EPHB1: variants seen among roughly 807,000 people sequenced by gnomAD.
The protein encoded by EPHB1 is EPH receptor B1.
EPHB1 carries 30 observed loss-of-function variants against 94.4 expected under a neutral mutation model. The ratio of observed to expected loss-of-function variants is 0.32; its 90% CI spans 0.24 to 0.43. The LOEUF (loss-of-function observed/expected upper bound fraction) is 0.43. Among genes scored for constraint, EPHB1 ranks in the 20% least tolerant of loss-of-function variants. The pLI is 1.00. For synonymous variants in EPHB1, 522 were observed against 489.1 expected, an observed-to-expected ratio of 1.07 and a Z score of -0.89; for missense variants, 1,055 against 1,308.3, an observed-to-expected ratio of 0.81 and a Z score of 2.99.
intron 13 of EPHB1, among the ~76,000 whole-genome samples, chr3:135,243,923 C>T (rs1426564312): frequency 2.6e-5 from 4 of 152,138 alleles, no homozygotes; most frequent in African/African-American, 4.8e-5. Flanking sequence ...TGACTTAACC[C>T]ACTCTGCCCT....
intron 1 of EPHB1, among the ~76,000 whole-genome samples, chr3:134,904,757 G>C (rs1427643806): frequency 6.6e-6 from 1 of 152,222 alleles, no homozygotes; most frequent in Non-Finnish European, 1.5e-5. Flanking sequence ...ACATCTGACT[G>C]TCATTTAGGA....
intron 3 of EPHB1, among the ~76,000 whole-genome samples, chr3:135,039,329 C>G (rs1022256334): frequency 1.3e-5 from 2 of 152,246 alleles, no homozygotes; most frequent in Admixed American, 6.5e-5. Flanking sequence ...AGACTCTCCA[C>G]GTCCCCACCA....
chr3:135,052,909 A>ATATATATATGTGTG (rs1217744067), intron 3 of EPHB1, among the ~76,000 whole-genome samples: 47 of 68,840 alleles, frequency 6.8e-4, no homozygotes, highest in African/African-American at 3.1e-3. Context: ...ATATATATAT[A>ATATATATATGTGTG]TGTGTGTGTG....
chr3:135,195,420 G>T (rs1317617311), intron 11 of EPHB1, among the ~76,000 whole-genome samples: 1 of 151,718 alleles, frequency 6.6e-6, no homozygotes, highest in Non-Finnish European at 1.5e-5. Context: ...TGCCATGCTG[G>T]TGCACTGCAC....
At chr3:135,127,847 C>T (rs535371971) in intron 4 of EPHB1, among the ~76,000 whole-genome samples, 109 of 152,232 alleles carry the variant, frequency 7.2e-4, no homozygotes, top group Non-Finnish European at 1.2e-3. Flanking sequence ...CAGTGACAAC[C>T]GTGCTCCATG....
intron 11 of EPHB1, among the ~76,000 whole-genome samples, chr3:135,197,677 A>G (rs1482911410): frequency 6.6e-6 from 1 of 152,206 alleles, no homozygotes; most frequent in Non-Finnish European, 1.5e-5. Flanking sequence ...CAGAAAAGCA[A>G]TTTCAGCAGA....
intron 3 of EPHB1, among the ~76,000 whole-genome samples, chr3:135,049,136 G>C (rs184806429): frequency 6.6e-6 from 1 of 152,320 alleles, no homozygotes; most frequent in East Asian, 1.9e-4. Context: ...TTGAGCAGGT[G>C]AGTTAGAGAG....
At chr3:135,000,268 T>A (rs1935131117) in intron 3 of EPHB1, among the ~76,000 whole-genome samples, 1 of 152,232 alleles carries the variant, frequency 6.6e-6, no homozygotes, top group African/African-American at 2.4e-5. Flanking sequence ...AAATACAGCA[T>A]CTTTTGACAG....
intron 3 of EPHB1, among the ~76,000 whole-genome samples, chr3:134,993,957 C>T (rs1934904215): frequency 6.6e-6 from 1 of 152,200 alleles, no homozygotes; most frequent in South Asian, 2.1e-4. Context: ...CCATTCTTCC[C>T]CACTTTCTAT....
intron 9 of EPHB1, among the ~76,000 whole-genome samples, chr3:135,167,921 A>G (rs1941695202): frequency 6.6e-6 from 1 of 152,168 alleles, no homozygotes; most frequent in South Asian, 2.1e-4. Context: ...CAGACCTCCC[A>G]GGTACCTACA....
In EPHB1 at chr3:134,917,465, C is replaced by T. The variant is rs558912112; in HGVS notation, c.59-8351C>T. 2.0e-5 allele frequency among the ~76,000 whole-genome samples: 3 copies of T among 152,340 alleles called. No homozygotes were observed. In the East Asian group the frequency reaches 5.8e-4, roughly 29 times the overall value. ...TTTCATGGGCTATGCCACGTGTGAA[C>T]CAAGACCTAATCTAGGGCCTGTCCC... On this transcript the variant is annotated intron_variant, in intron 1 of 15. Transcript: ENST00000398015.
Position 135,201,469 on chromosome 3 carries a change from T to C in EPHB1, c.2131-5T>C. 1 of 1,613,912 alleles carries C rather than the reference T, an allele frequency of 6.2e-7. No homozygotes were observed. The highest frequency in any genetic ancestry group is 8.5e-7 in the Non-Finnish European group (1 of 1,179,954). On this transcript the variant is annotated splice_polypyrimidine_tract_variant and splice_region_variant and intron_variant, in intron 11 of 15. Coordinates refer to ENST00000398015, the MANE Select transcript of EPHB1 (RefSeq NM_004441.5). ...GATCCCAATGCCCTCTATGTCTTAT[T>C]ACAGCAAAATGACGGGCAGTTCACC...
intron 1 of EPHB1, among the ~76,000 whole-genome samples, chr3:134,846,348 G>A (rs116517997): frequency 6.6e-6 from 1 of 152,182 alleles, no homozygotes; most frequent in African/African-American, 2.4e-5. Flanking sequence ...GGGCTCCGAG[G>A]CCCCATTTGG....
chr3:134,895,124 A>G (rs1329988037), intron 1 of EPHB1, among the ~76,000 whole-genome samples: 1 of 152,224 alleles, frequency 6.6e-6, no homozygotes, highest in East Asian at 1.9e-4. Context: ...TTTATACAAA[A>G]TTAATGCAAA....
chr3:135,213,323 G>A (rs1464877413), intron 12 of EPHB1, among the ~76,000 whole-genome samples: 1 of 152,200 alleles, frequency 6.6e-6, no homozygotes, highest in Non-Finnish European at 1.5e-5. Flanking sequence ...TAATATTCCT[G>A]CTCTTTAAGA....
chr3:134,888,057 C>G (rs1022556849), intron 1 of EPHB1, among the ~76,000 whole-genome samples: 2 of 152,182 alleles, frequency 1.3e-5, no homozygotes, highest in African/African-American at 2.4e-5. Flanking sequence ...ATGGAAGGCT[C>G]TATCTCTGGT....
At position 135,167,006 on chromosome 3, in the gene EPHB1, G is replaced by A; in HGVS notation, c.1759G>A (p.Gly587Ser). 1 of 1,614,100 alleles carries A rather than the reference G, an allele frequency of 6.2e-7. No homozygotes were observed. The highest frequency in any genetic ancestry group is 1.3e-5 in the African/African-American group (1 of 75,062). Reference protein sequence around the residue: ...DKLQHYSTGRGSPGMKIYIDP... With the variant: ...DKLQHYSTGRSSPGMKIYIDP... ...GCTCCAGCATTACAGCACAGGCCGA[G>A]GTAAGTAGAAAGCAGAGACCCGGTG... Residue 587 changes from glycine (G) to serine (S), a missense_variant and splice_region_variant, in exon 9 of 16, where the codon GGC (glycine) becomes AGC (serine). By Grantham distance (56) the Gly-to-Ser change is moderately conservative (BLOSUM62 0). Transcript: ENST00000398015.
At chr3:134,957,947 C>T (rs972019843) in intron 3 of EPHB1, among the ~76,000 whole-genome samples, 6 of 152,180 alleles carry the variant, frequency 3.9e-5, no homozygotes, top group African/African-American at 1.2e-4. Flanking sequence ...GAACAGCTCT[C>T]GATGTGCCTG....
intron 1 of EPHB1, among the ~76,000 whole-genome samples, chr3:134,899,439 GTTT>G (rs2038153766): frequency 6.6e-6 from 1 of 152,164 alleles, no homozygotes; most frequent in Non-Finnish European, 1.5e-5. Context: ...TCGCCCTGCT[GTTT>G]CTTCTGCCTA....
Sources: gnomAD v4.1 joint callset for allele counts (sites outside exome capture counted in the v4.1 genomes callset) on GRCh38, gnomAD v4.1.1 for gene constraint, MANE v1.5 for transcripts, NCBI Gene and HGNC (gene_info 2026-07-23, HGNC 2026-07-21) for gene names.